CCDC7: variants seen among roughly 807,000 people sequenced by gnomAD.
The protein encoded by CCDC7 is coiled-coil domain containing 7.
Under a neutral mutation model 196.9 loss-of-function variants are expected in CCDC7, and 183 were observed. That is an observed-to-expected ratio of 0.93 (90% CI 0.82 to 1.05). The LOEUF is 1.05. CCDC7 is among the 50% of genes least tolerant of loss of function. The pLI is 0.00. For missense variants in CCDC7, 1,540 were observed against 1,482.2 expected, an observed-to-expected ratio of 1.04 and a Z score of -0.64; for synonymous variants, 525 against 484.6, an observed-to-expected ratio of 1.08 and a Z score of -1.10.
intron 18 of CCDC7, among the ~76,000 whole-genome samples, chr10:32,631,563 G>A (rs1276902388): frequency 6.6e-6 from 1 of 151,650 alleles, no homozygotes; most frequent in Non-Finnish European, 1.5e-5. Flanking sequence ...TTTGTACCAA[G>A]TTTTTAAATT....
intron 25 of CCDC7, among the ~76,000 whole-genome samples, chr10:32,720,033 G>C (rs1449753394): frequency 6.6e-6 from 1 of 152,046 alleles, no homozygotes; most frequent in Non-Finnish European, 1.5e-5. Flanking sequence ...ATACCCAAAC[G>C]ATTATAAATT....
At chr10:32,688,251 G>A (rs549539505) in intron 22 of CCDC7, among the ~76,000 whole-genome samples, 1 of 152,180 alleles carries the variant, frequency 6.6e-6, no homozygotes, top group African/African-American at 2.4e-5. Context: ...GGTCACTGGT[G>A]AGGTGAACCT....
chr10:32,731,020 A>G (rs868480391), intron 28 of CCDC7, among the ~76,000 whole-genome samples: 22 of 152,032 alleles, frequency 1.4e-4, no homozygotes, highest in African/African-American at 5.1e-4. Flanking sequence ...AATCTTGATT[A>G]TTCTATCAAT....
At chr10:32,729,657 A>G (rs994831094) in intron 28 of CCDC7, among the ~76,000 whole-genome samples, 200 bp downstream of exon 29, 2 of 151,794 alleles carry the variant, frequency 1.3e-5, no homozygotes, top group African/African-American at 4.8e-5. Flanking sequence ...GGATTTCTCT[A>G]TTTCTTCTTG....
At chr10:32,691,398 C>A (rs2077062524) in intron 23 of CCDC7, among the ~76,000 whole-genome samples, 1 of 152,000 alleles carries the variant, frequency 6.6e-6, no homozygotes, top group Non-Finnish European at 1.5e-5. Flanking sequence ...GGGGAGAGCC[C>A]TTAACTAGAT....
At chr10:32,550,054 G>A (rs541045794) in intron 13 of CCDC7, among the ~76,000 whole-genome samples, 1 of 151,976 alleles carries the variant, frequency 6.6e-6, no homozygotes, top group East Asian at 1.9e-4. Flanking sequence ...AGCATGGGAT[G>A]TGTTTCCATA....
chr10:32,761,528 A>G (rs1175700555), intron 28 of CCDC7, among the ~76,000 whole-genome samples: 1 of 151,964 alleles, frequency 6.6e-6, no homozygotes, highest in Non-Finnish European at 1.5e-5. Context: ...GGGGAAAGAA[A>G]AGTATGAGCT....
At chr10:32,618,470 A>G (rs2063016716) in intron 18 of CCDC7, among the ~76,000 whole-genome samples, 2 of 151,932 alleles carry the variant, frequency 1.3e-5, no homozygotes, top group Admixed American at 1.3e-4. Context: ...TACTCTCAGC[A>G]TTTTCGGCAA....
upstream of CCDC7, among the ~76,000 whole-genome samples, chr10:32,444,240 T>C (rs2997516): frequency 0.14 from 21,028 of 152,232 alleles, 1,766 homozygotes; most frequent in East Asian, 0.26. Flanking sequence ...ATGTCCTTCA[T>C]CAGATGAAAA....
At chr10:32,619,675 T>G (rs1481126438) in intron 18 of CCDC7, among the ~76,000 whole-genome samples, 1 of 152,040 alleles carries the variant, frequency 6.6e-6, no homozygotes, top group African/African-American at 2.4e-5. Flanking sequence ...AACCTTGAAA[T>G]TGATCCTGAG....
intron 40 of CCDC7, among the ~76,000 whole-genome samples, chr10:32,852,269 C>T (rs1253891816): frequency 6.6e-6 from 1 of 151,992 alleles, no homozygotes; most frequent in Non-Finnish European, 1.5e-5. Context: ...TTTATGCAAC[C>T]CCAGGGAGAG....
chr10:32,650,026 C>T (rs958932651), intron 20 of CCDC7, among the ~76,000 whole-genome samples: 2 of 152,290 alleles, frequency 1.3e-5, no homozygotes, highest in East Asian at 3.9e-4. Context: ...ACAATCCAGA[C>T]TGGTTATGAA....
intron 29 of CCDC7, among the ~76,000 whole-genome samples, chr10:32,796,942 G>C (rs4615926): frequency 0.14 from 20,964 of 151,996 alleles, 1,747 homozygotes; most frequent in East Asian, 0.25. Flanking sequence ...AGGGGCATCA[G>C]ACTTTACCCT....
intron 41 of CCDC7, among the ~76,000 whole-genome samples, chr10:32,869,977 C>A (rs1325278200): frequency 1.3e-5 from 2 of 152,090 alleles, no homozygotes; most frequent in Non-Finnish European, 2.9e-5. Flanking sequence ...GTACCAGTAC[C>A]ATGCTCTTTG....
chr10:32,462,969 TTAAG>T (rs1376949124), intron 4 of CCDC7, 44 bp from the exon 6 acceptor site: 1 of 1,610,574 alleles, frequency 6.2e-7, no homozygotes, highest in Non-Finnish European at 8.5e-7. Context: ...TCAGTGCAAT[TTAAG>T]TAGTCACTAT....
intron 39 of CCDC7, among the ~76,000 whole-genome samples, chr10:32,850,498 G>A (rs766993717): frequency 2.0e-5 from 3 of 152,146 alleles, no homozygotes; most frequent in Non-Finnish European, 4.4e-5. Context: ...TAAGACCAGA[G>A]TTAGTATGGA....
At chr10:32,763,152 C>A (rs1300944181) in intron 28 of CCDC7, among the ~76,000 whole-genome samples, 3 of 151,868 alleles carry the variant, frequency 2.0e-5, no homozygotes, top group African/African-American at 4.8e-5. Flanking sequence ...AAGGAACTCA[C>A]AAACTTAACA....
At chr10:32,680,249 A>G (rs765358835) in intron 21 of CCDC7, among the ~76,000 whole-genome samples, 14 of 152,124 alleles carry the variant, frequency 9.2e-5, no homozygotes, top group Non-Finnish European at 1.2e-4. Flanking sequence ...CCCTGCTGAA[A>G]TGGTTCTAAC....
intron 13 of CCDC7, among the ~76,000 whole-genome samples, chr10:32,561,996 A>C (rs2136689505): frequency 6.6e-6 from 1 of 152,344 alleles, no homozygotes; most frequent in Non-Finnish European, 1.5e-5. Context: ...AGAAATACAA[A>C]CTACTATCAG....
Sources: allele counts gnomAD v4.1 joint callset (sites outside exome capture counted in the v4.1 genomes callset), GRCh38; gene constraint gnomAD v4.1.1; transcripts MANE v1.5; gene names NCBI Gene and HGNC (gene_info 2026-07-23, HGNC 2026-07-21).